FERMT2: variants seen among roughly 807,000 people sequenced by gnomAD.
FERMT2 encodes the protein FERM domain containing kindlin 2.
Under a neutral mutation model 82.7 loss-of-function variants are expected in FERMT2, and 15 were observed. The observed-to-expected ratio is 0.18, with a 90% CI of 0.12 to 0.28. The LOEUF (loss-of-function observed/expected upper bound fraction) is 0.28. Among genes scored for constraint, FERMT2 ranks in the 10% least tolerant of loss-of-function variants. The pLI, the probability that FERMT2 is intolerant of heterozygous loss-of-function variation, is 1.00. For synonymous variants in FERMT2, 274 were observed against 271.5 expected (o/e 1.01, Z -0.09); for missense variants, 645 against 809.4 (o/e 0.80, Z 2.46).
chr14:52,947,485 G>A (rs1041849959), intron 2 of FERMT2, among the ~76,000 whole-genome samples: 7 of 151,612 alleles, frequency 4.6e-5, no homozygotes, highest in Admixed American at 1.3e-4. Context: ...GTCTCAAAAA[G>A]TAAAAAATAA....
chr14:52,934,876 C>T (rs1424698920), intron 2 of FERMT2, among the ~76,000 whole-genome samples: 1 of 152,158 alleles, frequency 6.6e-6, no homozygotes, highest in African/African-American at 2.4e-5. Flanking sequence ...GACAGAGAGG[C>T]AACACTAACA....
At chr14:52,874,571 C>T (rs1456034971) in intron 8 of FERMT2, among the ~76,000 whole-genome samples, 1 of 152,144 alleles carries the variant, frequency 6.6e-6, no homozygotes, top group African/African-American at 2.4e-5. Flanking sequence ...AGTAACTAAT[C>T]CCTATACTTA....
At chr14:52,914,129 G>A (rs966815835) in intron 3 of FERMT2, among the ~76,000 whole-genome samples, 2 of 152,070 alleles carry the variant, frequency 1.3e-5, no homozygotes, top group South Asian at 2.1e-4. Context: ...TTGGGAGGCC[G>A]AGGCAGGTGG....
rs999744294 is a variant in FERMT2, at chr14:52,864,119, G to T, written c.1602+282C>A. ...AGTATTTTGGGTTTCAGATTTTTTTGGATTTTGGAATATCTGCATTATACT... is the reference window on the plus strand; with the variant it reads ...AGTATTTTGGGTTTCAGATTTTTTTTGATTTTGGAATATCTGCATTATACT... On this transcript the variant is annotated intron_variant, in intron 12 of 14. Transcript: ENST00000341590. Among the ~76,000 whole-genome samples, 14 of 151,636 alleles carry T rather than the reference G, an allele frequency of 9.2e-5. No individual in the cohort carries two copies. In the South Asian group the frequency reaches 2.1e-3, roughly 23 times the overall value.
intron 2 of FERMT2, among the ~76,000 whole-genome samples, chr14:52,927,533 G>C (rs1219402441): frequency 4.1e-5 from 6 of 147,438 alleles, no homozygotes; most frequent in African/African-American, 7.5e-5. Context: ...AGGTGGGTGG[G>C]TGGCTTGAGC....
rs1456308031 is a variant in FERMT2 at position 52,948,604 on chromosome 14, T to C, written c.157+1808A>G. 12 of 455,512 alleles carry C rather than the reference T, an allele frequency of 2.6e-5. No homozygotes were observed. The East Asian group carries it at 8.3e-4, about 32-fold the overall frequency. 28.2% of individuals were successfully genotyped at this position (455,512 alleles called of 1,614,324 possible). ...CTCTGCATAAAAAATTAAAAATGTA[T>C]CAGCATTAAAAGATTAAGATTATAG... On this transcript the variant is annotated intron_variant, in intron 2 of 14. Transcript: ENST00000341590.
intron 2 of FERMT2, 63 bp from the exon 3 acceptor site, chr14:52,919,419 A>C: frequency 7.9e-7 from 1 of 1,261,846 alleles, no homozygotes; most frequent in Non-Finnish European, 1.1e-6. Context: ...GAGAAATTAA[A>C]AGCAGAAAAC....
At chr14:52,893,164 T>C (rs1887050501) in intron 4 of FERMT2, 129 bp downstream of exon 4, 13 of 748,564 alleles carry the variant, frequency 1.7e-5, no homozygotes, top group Middle Eastern at 2.7e-4. Context: ...GCCTGGCTAA[T>C]TGAAGTTTTT....
chr14:52,860,320 T>C (rs767593715), intron 13 of FERMT2, 21 bp downstream of exon 13: 2 of 1,611,440 alleles, frequency 1.2e-6, no homozygotes, highest in Non-Finnish European at 1.7e-6. Context: ...GGTTTACACA[T>C]AGATGCTTAG....
chr14:52,870,367 A>C (rs1046594574), intron 10 of FERMT2, among the ~76,000 whole-genome samples: 3 of 151,468 alleles, frequency 2.0e-5, no homozygotes, highest in Admixed American at 2.0e-4. Context: ...CTCCTGCCTC[A>C]GCCTCCTGAG....
chr14:52,909,881 T>C (rs1291768241), intron 3 of FERMT2, among the ~76,000 whole-genome samples: 1 of 151,954 alleles, frequency 6.6e-6, no homozygotes, highest in African/African-American at 2.4e-5. Context: ...GGTGAAACCC[T>C]GTCTCTACTA....
At chr14:52,936,884 G>A (rs1471041054) in intron 2 of FERMT2, among the ~76,000 whole-genome samples, 2 of 152,158 alleles carry the variant, frequency 1.3e-5, no homozygotes, top group Non-Finnish European at 1.5e-5. Flanking sequence ...GTCGGGAGCA[G>A]TGGCTCATGC....
chr14:52,870,395 A>C (rs1885545028), intron 10 of FERMT2, among the ~76,000 whole-genome samples: 1 of 152,036 alleles, frequency 6.6e-6, no homozygotes, highest in African/African-American at 2.4e-5. Context: ...GATTACAGGC[A>C]TATGCCACCA....
intron 2 of FERMT2, among the ~76,000 whole-genome samples, chr14:52,923,395 T>C (rs1470114631): frequency 6.6e-6 from 1 of 152,040 alleles, no homozygotes; most frequent in African/African-American, 2.4e-5. Flanking sequence ...AAATACCTAC[T>C]ATCCATACTT....
intron 12 of FERMT2, chr14:52,861,387 C>A: frequency 4.6e-6 from 1 of 215,458 alleles, no homozygotes; most frequent in Non-Finnish European, 8.9e-6. Context: ...CATCGTGTAC[C>A]CAGTTCTCAC....
intron 2 of FERMT2, among the ~76,000 whole-genome samples, chr14:52,920,482 T>C (rs578199124): frequency 6.6e-6 from 1 of 151,594 alleles, no homozygotes; most frequent in Non-Finnish European, 1.5e-5. Context: ...TTTTTTTTTT[T>C]AATTAGCCAG....
chr14:52,877,633 C>A (rs1431525180), intron 7 of FERMT2, among the ~76,000 whole-genome samples: 1 of 76,870 alleles, frequency 1.3e-5, no homozygotes, highest in Non-Finnish European at 2.4e-5. Context: ...TTTCTAATGT[C>A]AACTTTTTGG....
chr14:52,935,162 T>C (rs935286030), intron 2 of FERMT2, among the ~76,000 whole-genome samples: 2 of 152,246 alleles, frequency 1.3e-5, no homozygotes, highest in Non-Finnish European at 2.9e-5. Context: ...TCCAAAGTGC[T>C]GTTTTCAAAA....
At chr14:52,902,868 C>CAAAAAAAAAAAAAAAAAAA (rs1252336097) in intron 3 of FERMT2, among the ~76,000 whole-genome samples, 1 of 5,538 alleles carries the variant, frequency 1.8e-4, no homozygotes, top group Non-Finnish European at 3.5e-4. Context: ...GACTCCGTCT[C>CAAAAAAAAAAAAAAAAAAA]AAAAAAAAAA....
Sources: gnomAD v4.1 joint callset for allele counts (sites outside exome capture counted in the v4.1 genomes callset) on GRCh38, gnomAD v4.1.1 for gene constraint, MANE v1.5 for transcripts, NCBI Gene and HGNC (gene_info 2026-07-23, HGNC 2026-07-21) for gene names.